Variants in SGCZ observed in about 807,000 individuals in gnomAD.
SGCZ encodes the protein zeta-sarcoglycan.
Under a neutral mutation model 41.3 loss-of-function variants are expected in SGCZ, and 40 were observed. The ratio of observed to expected loss-of-function variants is 0.97; its 90% CI spans 0.75 to 1.26. The LOEUF (loss-of-function observed/expected upper bound fraction) is 1.26, where lower values mean the gene tolerates loss of function less well. Ranked by LOEUF, SGCZ falls within the 50% of genes most tolerant of loss-of-function variation. The pLI, the probability that SGCZ is intolerant of heterozygous loss-of-function variation, is 0.00. For synonymous variants in SGCZ, 206 were observed against 137.5 expected, an observed-to-expected ratio of 1.50 and a Z score of -3.49; for missense variants, 552 against 369.8, an observed-to-expected ratio of 1.49 and a Z score of -4.04.
At chr8:15,176,767 C>A (rs916486470) in intron 1 of SGCZ, among the ~76,000 whole-genome samples, 2 of 152,100 alleles carry the variant, frequency 1.3e-5, no homozygotes, top group Admixed American at 6.5e-5. Context: ...TTTGGGAGGC[C>A]GAGGTGGGCG....
chr8:14,573,686 TA>T (rs1051241283), intron 1 of SGCZ, among the ~76,000 whole-genome samples: 2 of 152,146 alleles, frequency 1.3e-5, no homozygotes, highest in Non-Finnish European at 2.9e-5. Context: ...AGCATCAGTG[TA>T]AAAAATTCTT....
intron 1 of SGCZ, among the ~76,000 whole-genome samples, chr8:14,738,327 C>T (rs1799107525): frequency 6.6e-6 from 1 of 151,920 alleles, no homozygotes; most frequent in African/African-American, 2.4e-5. Flanking sequence ...TTTCCTGGTT[C>T]CCTCTCCTTC....
chr8:14,458,196 T>C (rs1800804171), intron 2 of SGCZ, among the ~76,000 whole-genome samples: 1 of 152,086 alleles, frequency 6.6e-6, no homozygotes, highest in Non-Finnish European at 1.5e-5. Flanking sequence ...CCACAATGTG[T>C]GGGGAATAAA....
intron 4 of SGCZ, among the ~76,000 whole-genome samples, chr8:14,181,955 G>C (rs1315160361): frequency 2.6e-5 from 4 of 152,104 alleles, no homozygotes; most frequent in African/African-American, 2.4e-5. Flanking sequence ...AACCCAATTA[G>C]GTTTCTCTGA....
intron 1 of SGCZ, among the ~76,000 whole-genome samples, chr8:14,563,068 CTG>C (rs1804254946): frequency 6.6e-6 from 1 of 152,160 alleles, no homozygotes; most frequent in Non-Finnish European, 1.5e-5. Flanking sequence ...TTATGAAAAA[CTG>C]AAGATAGCTG....
chr8:14,517,896 C>T (rs1802672036), intron 2 of SGCZ, among the ~76,000 whole-genome samples: 1 of 151,014 alleles, frequency 6.6e-6, no homozygotes, highest in Non-Finnish European at 1.5e-5. Context: ...CAATTTTATC[C>T]CCTATTTTTC....
At chr8:14,211,663 G>GAC in intron 4 of SGCZ, among the ~76,000 whole-genome samples, 1 of 152,138 alleles carries the variant, frequency 6.6e-6, no homozygotes, top group Non-Finnish European at 1.5e-5. Context: ...GAGAGAGAGA[G>GAC]AGAGAGAGTA....
intron 3 of SGCZ, among the ~76,000 whole-genome samples, chr8:14,243,239 T>C (rs1216385488): frequency 6.6e-6 from 1 of 152,208 alleles, no homozygotes; most frequent in Admixed American, 6.5e-5. Context: ...TTGTATAGTT[T>C]ACAAGAAAAA....
At chr8:15,054,001 G>C (rs1330816416) in intron 1 of SGCZ, among the ~76,000 whole-genome samples, 1 of 152,112 alleles carries the variant, frequency 6.6e-6, no homozygotes, top group Non-Finnish European at 1.5e-5. Context: ...AAACTAACAT[G>C]ACATATTTGA....
intron 1 of SGCZ, among the ~76,000 whole-genome samples, chr8:14,868,249 C>G (rs753997286): frequency 4.6e-5 from 7 of 152,124 alleles, no homozygotes; most frequent in Non-Finnish European, 7.4e-5. Flanking sequence ...TCATGCAACT[C>G]GGTGACCTCC....
At chr8:15,193,486 T>C (rs962088173) in intron 1 of SGCZ, among the ~76,000 whole-genome samples, 4 of 152,048 alleles carry the variant, frequency 2.6e-5, no homozygotes, top group Admixed American at 2.6e-4. Flanking sequence ...GTAGGTACTG[T>C]CAAATGGTAC....
At chr8:15,157,018 G>T (rs1046539790) in intron 1 of SGCZ, among the ~76,000 whole-genome samples, 9 of 151,136 alleles carry the variant, frequency 6.0e-5, no homozygotes, top group Non-Finnish European at 1.2e-4. Context: ...TTCTCAAATA[G>T]TTTCTTTTCT....
rs536347365 is a variant in SGCZ at position 14,401,699 on chromosome 8, T to A, written c.235-77495A>T. 3.3e-5 allele frequency among the ~76,000 whole-genome samples: 5 copies of A among 151,930 alleles called. 1 individual carries two copies. The highest frequency in any genetic ancestry group is 9.7e-5 in the African/African-American group (4 of 41,288). ...ATCCAGTCTATCATTGTTGGACATT[T>A]GGGTTGGTTCCAAGTCTTTGCTAAT... On this transcript the variant is annotated intron_variant, in intron 2 of 7. Transcript: ENST00000382080.
intron 1 of SGCZ, among the ~76,000 whole-genome samples, chr8:15,098,695 C>T (rs1258494125): frequency 6.6e-6 from 1 of 152,122 alleles, no homozygotes; most frequent in African/African-American, 2.4e-5. Flanking sequence ...AATCTTTTCT[C>T]TCTCCTACAG....
intron 2 of SGCZ, among the ~76,000 whole-genome samples, chr8:14,414,578 A>T (rs1036898238): frequency 2.0e-5 from 3 of 152,010 alleles, no homozygotes; most frequent in Non-Finnish European, 2.9e-5. Flanking sequence ...CATGGAATTT[A>T]AAAATAACTT....
chr8:14,101,787 AAAG>A (rs1294993488), intron 7 of SGCZ, among the ~76,000 whole-genome samples: 1 of 152,018 alleles, frequency 6.6e-6, no homozygotes, highest in Admixed American at 6.6e-5. Flanking sequence ...AAAAAAAAAA[AAAG>A]GACTGTCGTT....
intron 1 of SGCZ, among the ~76,000 whole-genome samples, chr8:14,899,634 T>A (rs1453216672): frequency 1.3e-5 from 2 of 152,240 alleles, no homozygotes; most frequent in East Asian, 3.9e-4. Context: ...TGTGCTAGGT[T>A]CACTACCTGA....
intron 5 of SGCZ, among the ~76,000 whole-genome samples, chr8:14,147,145 A>G (rs1803552620): frequency 6.6e-6 from 1 of 152,104 alleles, no homozygotes; most frequent in Non-Finnish European, 1.5e-5. Context: ...ACAAGAAACG[A>G]AGTCATATCA....
At chr8:14,248,406 G>C (rs1056108830) in intron 3 of SGCZ, among the ~76,000 whole-genome samples, 12 of 152,034 alleles carry the variant, frequency 7.9e-5, no homozygotes, top group African/African-American at 2.9e-4. Context: ...TCCCAGATGC[G>C]TATTTGTATA....
Sources: allele counts gnomAD v4.1 joint callset (sites outside exome capture counted in the v4.1 genomes callset), GRCh38; gene constraint gnomAD v4.1.1; transcripts MANE v1.5; gene names NCBI Gene and HGNC (gene_info 2026-07-23, HGNC 2026-07-21).